The following ECE1 variants were observed in gnomAD, a reference collection of about 807,000 sequenced individuals.
ECE1 encodes endothelin-converting enzyme 1.
In ECE1, 35 loss-of-function variants were observed where a neutral mutation model predicts 98.6. That is an observed-to-expected ratio of 0.35 (90% CI 0.27 to 0.47). The LOEUF (loss-of-function observed/expected upper bound fraction) is 0.47. Ranked by LOEUF, ECE1 falls within the 20% of genes least tolerant of loss-of-function variation. ECE1 has a pLI of 1.00. For missense variants in ECE1, 814 were observed against 1,025.3 expected (o/e 0.79, Z 2.81); for synonymous variants, 394 against 407.1 (o/e 0.97, Z 0.39).
chr1:21,258,064 G>C lies in ECE1; in HGVS notation c.763-474C>G, dbSNP rs924095957. Among the ~76,000 whole-genome samples the C allele has an allele frequency of 2.0e-5, 3 of 152,198 alleles. No homozygotes were observed. Among genetic ancestry groups the C allele is most frequent in the Non-Finnish European group, 4.4e-5 (3 of 68,040 alleles). ...CAAGTGCCTGCCAAGCAGGAGGGGA[G>C]GGTCAAATTCTGCTTGCTACTATTG... is the stretch of plus-strand genomic sequence containing the variant. On this transcript the variant is annotated intron_variant, in intron 6 of 18. Transcript: ENST00000374893. The surrounding 1 kb of genome is among the most constrained non-coding windows in gnomAD (Gnocchi z 4.2).
chr1:21,314,264 A>T (rs1329469846), intron 1 of ECE1, among the ~76,000 whole-genome samples: 1 of 152,112 alleles, frequency 6.6e-6, no homozygotes, highest in Non-Finnish European at 1.5e-5. Flanking sequence ...ATGGCGTGGG[A>T]GTTCTGGGAA....
At chr1:21,270,202 A>T (rs1294726884) in intron 4 of ECE1, among the ~76,000 whole-genome samples, 1 of 152,236 alleles carries the variant, frequency 6.6e-6, no homozygotes, top group Admixed American at 6.5e-5. Context: ...TGACAAAGTC[A>T]CTTAACCTCT....
intron 14 of ECE1, among the ~76,000 whole-genome samples, chr1:21,229,819 G>A (rs2098179463): frequency 6.6e-6 from 1 of 152,114 alleles, no homozygotes; most frequent in Non-Finnish European, 1.5e-5. Context: ...TCACGCCTGG[G>A]TAAAAGATCC....
intron 1 of ECE1, among the ~76,000 whole-genome samples, chr1:21,330,329 G>A (rs535280295): frequency 3.5e-5 from 5 of 143,412 alleles, no homozygotes; most frequent in South Asian, 4.4e-4. Flanking sequence ...TCTGCCTCCC[G>A]GGTTCAAGTG....
At chr1:21,316,876 T>C (rs1638842239) in intron 1 of ECE1, among the ~76,000 whole-genome samples, 1 of 152,174 alleles carries the variant, frequency 6.6e-6, no homozygotes, top group Admixed American at 6.5e-5. Flanking sequence ...AGCAACATCA[T>C]ACCTATGTAT....
chr1:21,238,281 G>A (rs372517733), intron 10 of ECE1, 37 bp from the exon 11 acceptor site: 29 of 1,536,626 alleles, frequency 1.9e-5, no homozygotes, highest in Non-Finnish European at 2.5e-5. Flanking sequence ...CTGGGCCCCA[G>A]CCCTTTGTTT....
In ECE1 at chr1:21,257,561, C is replaced by T. The variant is rs199920950; in HGVS notation, c.792G>A (p.Ser264=). 18 of 1,614,210 alleles carry T rather than the reference C, an allele frequency of 1.1e-5. No individual in the cohort carries two copies. Among genetic ancestry groups the T allele is most frequent in the South Asian group, 5.5e-5 (5 of 91,078 alleles). Residue 264 remains serine (S), a synonymous_variant, in exon 7 of 19, where the codon TCG becomes TCA. Transcript: ENST00000374893. ...CAGTTTTGTTCAGGTAATAGTCTCT[C>T]GAGGGCAAGCCCAGGCCAGACTGGT... is the stretch of plus-strand genomic sequence containing the variant. The part of the protein sequence containing the change: ...QVDQSGLGLP[S]RDYYLNKTEN...
chr1:21,306,386 G>C (rs997931255), intron 1 of ECE1, among the ~76,000 whole-genome samples: 14 of 151,794 alleles, frequency 9.2e-5, no homozygotes, highest in African/African-American at 2.9e-4. Context: ...GCCCAGGCTG[G>C]AGTGCAATGG....
chr1:21,236,840 G>C lies in ECE1; in HGVS notation c.1394C>G (p.Thr465Ser). The change falls in exon 12 of 19, where the codon ACC becomes AGC. Residue 465 changes from threonine (T) to serine (S), a missense_variant. Physicochemically the swap from Thr to Ser is moderately conservative, Grantham distance 58. Transcript: ENST00000374893. The part of the protein sequence containing the change: ...TFAEDSKSIA[T>S]EIILEIKKAF... Reference sequence around the variant, plus strand: ...CTTCTTAATCTCCAGGATGATCTCGGTGGCCTGAGGAGATACACATCACAG... The same window carrying C: ...CTTCTTAATCTCCAGGATGATCTCGCTGGCCTGAGGAGATACACATCACAG... The C allele has an allele frequency of 2.5e-6, 4 of 1,613,632 alleles. No individual in the cohort carries two copies. Among genetic ancestry groups the C allele is most frequent in the Non-Finnish European group, 3.4e-6 (4 of 1,179,974 alleles).
upstream of ECE1, chr1:21,290,579 G>A: frequency 8.4e-7 from 1 of 1,196,592 alleles, no homozygotes; most frequent in Non-Finnish European, 1.0e-6. This position sits in a 1 kb window ranked among gnomAD's most constrained non-coding sequence, Gnocchi z 7.3. Context: ...GCCCGGGGGA[G>A]ATGGGGACCC....
chr1:21,277,819 C>T (rs917849636), intron 3 of ECE1, among the ~76,000 whole-genome samples: 2 of 152,204 alleles, frequency 1.3e-5, no homozygotes, highest in Non-Finnish European at 2.9e-5. Flanking sequence ...TGGTAAAACA[C>T]CTACAAACCA....
chr1:21,219,985 C>T lies in ECE1; in HGVS notation c.2283G>A (p.Met761Ile). 6.2e-7 allele frequency: 1 copy of T among 1,614,266 alleles called. No individual in the cohort carries two copies. The highest frequency in any genetic ancestry group is 1.1e-5 in the South Asian group (1 of 91,090). ...AGACTTCGCACTTGTGAGGCGGGTT[C>T]ATGGGTGAGCCAGGTGGGCAGCGGA... ...EHFRCPPGSP[M>I]NPPHKCEVW Residue 761 changes from methionine to isoleucine, a missense_variant, in exon 19 of 19, where the codon ATG becomes ATA. Physicochemically the swap from Met to Ile is conservative, Grantham distance 10. Around this residue, in one of 3 missense-constraint regions of ECE1, gnomAD observed 452 missense variants for 567.3 expected, o/e 0.80. Transcript: ENST00000374893. The surrounding 1 kb of genome is among the most constrained non-coding windows in gnomAD (Gnocchi z 4.5).
At chr1:21,257,425 G>A in intron 7 of ECE1, 100 bp downstream of exon 7, 2 of 1,347,918 alleles carry the variant, frequency 1.5e-6, no homozygotes, top group Non-Finnish European at 1.0e-6. Context: ...TGACACCCCT[G>A]GGCTCCCCTA....
In ECE1 at chr1:21,218,222, T is replaced by G. The variant is rs1421174323; in HGVS notation, c.*1733A>C. 6.6e-6 allele frequency: 1 copy of G among 152,252 alleles called. No individual in the cohort carries two copies. The highest frequency in any genetic ancestry group is 1.5e-5 in the Non-Finnish European group (1 of 68,112). 9.4% of individuals were successfully genotyped at this position (152,252 alleles called of 1,614,324 possible). A position where few individuals can be genotyped will look rare whatever the true frequency, so the allele number is the denominator to read the frequency against. On this transcript the variant is annotated 3_prime_UTR_variant, in exon 19 of 19. Coordinates refer to ENST00000374893, the MANE Select transcript of ECE1 (RefSeq NM_001397.3). This position sits in a 1 kb window ranked among gnomAD's most constrained non-coding sequence, Gnocchi z 4.0. ...AGCATCCATCTAGCTGCAAGTACTA[T>G]CTTGATTCAACCCAGGGGCCGACAA...
chr1:21,328,374 C>G (rs1201734724), intron 1 of ECE1, among the ~76,000 whole-genome samples: 2 of 152,210 alleles, frequency 1.3e-5, no homozygotes, highest in African/African-American at 4.8e-5. Flanking sequence ...AGACCTTGTG[C>G]CTGGCACATA....
chr1:21,293,079 G>A (rs974504738), upstream of ECE1, among the ~76,000 whole-genome samples: 6 of 152,204 alleles, frequency 3.9e-5, no homozygotes, highest in Admixed American at 6.5e-5. Flanking sequence ...GGATTCACCC[G>A]GCTGGTGTAC....
intron 4 of ECE1, among the ~76,000 whole-genome samples, chr1:21,262,769 T>A (rs1159203704): frequency 2.0e-5 from 3 of 152,250 alleles, no homozygotes; most frequent in Non-Finnish European, 4.4e-5. Context: ...CAGCCTCCCT[T>A]GCTCCTTCGC....
In ECE1 at chr1:21,236,712, G is replaced by A. The variant is rs760091466; in HGVS notation, c.1488+34C>T. 39 of 1,595,478 alleles carry A rather than the reference G, an allele frequency of 2.4e-5. 1 individual carries two copies. Among genetic ancestry groups the A allele is most frequent in the Admixed American group, 1.5e-4 (9 of 59,940 alleles). The stretch of plus-strand genomic sequence containing the variant: ...CCCTCCTCTATCTGTGCTGGACGCC[G>A]CAGCACCCCCTCCAAGTGCCTGGCC... On this transcript the variant is annotated intron_variant, in intron 12 of 18. Coordinates refer to ENST00000374893, the MANE Select transcript of ECE1 (RefSeq NM_001397.3).
In ECE1 at chr1:21,247,391, T is replaced by C. The variant is rs367625884; in HGVS notation, c.1021-28A>G. On this transcript the variant is annotated intron_variant, in intron 8 of 18. Coordinates refer to ENST00000374893, the MANE Select transcript of ECE1 (RefSeq NM_001397.3). The stretch of plus-strand genomic sequence containing the variant: ...GCAAGGGAAAAGGACAGTGTGACCC[T>C]GTGGGGCTGCTCCTCCTCACAGCCC... 1.9e-4 allele frequency: 302 copies of C among 1,614,020 alleles called. 1 individual carries two copies. Among genetic ancestry groups the C allele is most frequent in the Non-Finnish European group, 2.5e-4 (296 of 1,180,016 alleles).
Sources: gnomAD v4.1 joint callset for allele counts (sites outside exome capture counted in the v4.1 genomes callset) on GRCh38, gnomAD v4.1.1 for gene constraint, gnomAD v4.1.1 regional missense constraint, Gnocchi (gnomAD v3.1) non-coding constraint, MANE v1.5 for transcripts, NCBI Gene and HGNC (gene_info 2026-07-23, HGNC 2026-07-21) for gene names.